The following MDH1 variants were observed in gnomAD, a reference collection of about 807,000 sequenced individuals.
The protein encoded by MDH1 is malate dehydrogenase 1.
A neutral mutation model predicts 38.7 loss-of-function variants in MDH1; 15 were observed. The observed-to-expected ratio is 0.39, with a 90% CI of 0.26 to 0.60. The LOEUF (loss-of-function observed/expected upper bound fraction) is 0.60, where lower values mean the gene tolerates loss of function less well. MDH1 is among the 20% of genes least tolerant of loss of function. The pLI is 0.56. For missense variants in MDH1, 368 were observed against 405.2 expected, an observed-to-expected ratio of 0.91 and a Z score of 0.79; for synonymous variants, 144 against 143.6, an observed-to-expected ratio of 1.00 and a Z score of -0.02.
At chr2:63,594,888 A>G in intron 2 of MDH1, 1 of 293,064 alleles carries the variant, frequency 3.4e-6, no homozygotes, top group South Asian at 4.0e-5. Context: ...TGTGGGAGAG[A>G]GTTACTCAGT....
intron 2 of MDH1, chr2:63,595,130 A>G (rs1449436617): frequency 2.3e-6 from 1 of 430,792 alleles, no homozygotes; most frequent in Non-Finnish European, 4.3e-6. Context: ...GCTATTAACA[A>G]TAAGAGCAAG....
At chr2:63,605,467 T>C (rs1056750547) in intron 7 of MDH1, 74 bp downstream of exon 7, 6 of 1,068,628 alleles carry the variant, frequency 5.6e-6, no homozygotes, top group Admixed American at 1.9e-5. Flanking sequence ...AAAAAGAATA[T>C]AGCCTTAGCA....
At chr2:63,589,123 T>A (rs1389671362) in intron 1 of MDH1, 77 bp downstream of exon 1, 1 of 1,613,906 alleles carries the variant, frequency 6.2e-7, no homozygotes, top group East Asian at 2.2e-5. Context: ...TTTAGGGACT[T>A]TTGGGAGGCA....
At chr2:63,593,640 G>A (rs200547412) in intron 1 of MDH1, 1 of 471,586 alleles carries the variant, frequency 2.1e-6, no homozygotes, top group Non-Finnish European at 4.4e-6. Context: ...TAGGGGTAAA[G>A]GTGACAGTGG....
intron 1 of MDH1, among the ~76,000 whole-genome samples, chr2:63,591,777 C>A (rs186322769): frequency 1.6e-4 from 24 of 152,238 alleles, no homozygotes; most frequent in Admixed American, 3.3e-4. Flanking sequence ...AATAGAAAAC[C>A]ACAGGCTATT....
intron 3 of MDH1, among the ~76,000 whole-genome samples, chr2:63,596,527 G>T (rs1437548423): frequency 6.6e-6 from 1 of 152,132 alleles, no homozygotes; most frequent in African/African-American, 2.4e-5. Context: ...CTGTTGGTTT[G>T]TCCTCTGCCA....
Position 63,607,077 on chromosome 2 carries a change from A to C in MDH1, c.*90A>C. The C allele has an allele frequency of 7.8e-7, 1 of 1,287,332 alleles. No individual in the cohort carries two copies. The highest frequency in any genetic ancestry group is 1.1e-6 in the Non-Finnish European group (1 of 945,246). The allele number at this position is 1,287,332 out of a possible 1,614,324, so 79.7% of individuals were successfully genotyped here. On this transcript the variant is annotated 3_prime_UTR_variant, in exon 9 of 9. Coordinates refer to ENST00000233114, the MANE Select transcript of MDH1 (RefSeq NM_005917.4). ...ACCAAATAATAATAATGCTATACTT[A>C]AATTACTTGTGAAAAACAACACATT...
chr2:63,595,437 G>C lies in MDH1; in HGVS notation c.117G>C (p.Val39=). The change falls in exon 3 of 9, where the codon GTG becomes GTC. Residue 39 remains valine, a synonymous_variant. Transcript: ENST00000233114. The part of the protein sequence containing the change: ...VFGKDQPIIL[V]LLDITPMMGV... ...CTATTTGGTAGCCTATAATTCTTGT[G>C]CTGTTGGATATCACCCCCATGATGG... 1 of 1,608,996 alleles carries C rather than the reference G, an allele frequency of 6.2e-7. No individual in the cohort carries two copies.
At chr2:63,597,844 C>T in intron 4 of MDH1, 2 of 221,966 alleles carry the variant, frequency 9.0e-6, no homozygotes, top group Admixed American at 5.7e-5. Context: ...AGAGAAGGCA[C>T]AGGATCTTCT....
chr2:63,598,590 T>C (rs547034284), intron 4 of MDH1, among the ~76,000 whole-genome samples: 1 of 152,360 alleles, frequency 6.6e-6, no homozygotes, highest in South Asian at 2.1e-4. Context: ...CCCATTATAA[T>C]GTTCTATCAA....
chr2:63,597,696 T>C (rs1709344228), intron 4 of MDH1, 122 bp downstream of exon 4: 35 of 860,900 alleles, frequency 4.1e-5, no homozygotes, highest in Non-Finnish European at 5.4e-5. Flanking sequence ...CATCAGTAAA[T>C]ACGGCTCTAG....
At chr2:63,599,027 T>G (rs944379332) in intron 4 of MDH1, 143 bp from the exon 5 acceptor site, 1 of 579,954 alleles carries the variant, frequency 1.7e-6, no homozygotes, top group Non-Finnish European at 2.7e-6. Flanking sequence ...TAAAATGCAT[T>G]TTCCTATGCT....
chr2:63,592,505 A>C (rs1296705380), intron 1 of MDH1, among the ~76,000 whole-genome samples: 3 of 152,052 alleles, frequency 2.0e-5, no homozygotes, highest in African/African-American at 7.2e-5. Flanking sequence ...ATCTGCCACC[A>C]CACCCAGCTA....
At chr2:63,606,084 T>A in intron 8 of MDH1, 56 bp downstream of exon 8, 1 of 1,473,510 alleles carries the variant, frequency 6.8e-7, no homozygotes, top group Non-Finnish European at 9.5e-7. Flanking sequence ...ATGTTTCTCT[T>A]AAGAATGGTA....
chr2:63,600,637 CTTCT>C (rs560528105), intron 5 of MDH1, among the ~76,000 whole-genome samples: 296 of 152,292 alleles, frequency 1.9e-3, no homozygotes, highest in Non-Finnish European at 3.6e-3. Context: ...TAGTTGATTT[CTTCT>C]TTCTAAGAAG....
At chr2:63,594,748 A>G (rs755882307) in intron 2 of MDH1, 162 bp downstream of exon 2, 1 of 571,568 alleles carries the variant, frequency 1.7e-6, no homozygotes, top group Non-Finnish European at 3.1e-6. Context: ...AGGTATTTAT[A>G]TGTACGCCTC....
chr2:63,604,345 A>G (rs752729434), intron 5 of MDH1, among the ~76,000 whole-genome samples: 2 of 152,380 alleles, frequency 1.3e-5, no homozygotes, highest in Middle Eastern at 3.4e-3. Context: ...GAAACAAAAG[A>G]TCACATTTAC....
chr2:63,592,069 CT>C (rs1368870151), intron 1 of MDH1, among the ~76,000 whole-genome samples: 1 of 152,212 alleles, frequency 6.6e-6, no homozygotes, highest in Non-Finnish European at 1.5e-5. Context: ...CTCTAGCCCC[CT>C]GTTTTAGAAA....
chr2:63,607,169 A>C lies in MDH1; in HGVS notation c.*182A>C. On this transcript the variant is annotated 3_prime_UTR_variant, in exon 9 of 9. Coordinates refer to ENST00000233114, the MANE Select transcript of MDH1 (RefSeq NM_005917.4). Reference sequence around the variant, plus strand: ...GTTTATCGTCATGCTGTTAGTGTGCATTCTAAATAAATATATATTCAAATG... The same window carrying C: ...GTTTATCGTCATGCTGTTAGTGTGCCTTCTAAATAAATATATATTCAAATG... The C allele has an allele frequency of 2.4e-6, 1 of 409,624 alleles. No homozygotes were observed. The highest frequency in any genetic ancestry group is 4.3e-6 in the Non-Finnish European group (1 of 234,408). The allele number at this position is 409,624 out of a possible 1,614,324, so 25.4% of individuals were successfully genotyped here.
Sources: gnomAD v4.1 joint callset for allele counts (sites outside exome capture counted in the v4.1 genomes callset) on GRCh38, gnomAD v4.1.1 for gene constraint, MANE v1.5 for transcripts, NCBI Gene and HGNC (gene_info 2026-07-23, HGNC 2026-07-21) for gene names.